Variants in RAD51B observed in about 807,000 individuals in gnomAD.
RAD51B encodes RAD51 paralog B, also known as DNA repair protein RAD51 homolog 2.
RAD51B carries 38 observed loss-of-function variants against 42.2 expected under a neutral mutation model. The observed-to-expected ratio is 0.90, with a 90% CI of 0.70 to 1.18. The LOEUF (loss-of-function observed/expected upper bound fraction) is 1.18, where lower values mean the gene tolerates loss of function less well. RAD51B is among the 50% of genes most tolerant of loss of function. The probability of loss-of-function intolerance (pLI) is 0.00; values close to 1 mark genes in which losing one functional copy is unlikely to be tolerated. For synonymous variants in RAD51B, 154 were observed against 145.2 expected (o/e 1.06, Z -0.43); for missense variants, 373 against 400.7 (o/e 0.93, Z 0.59).
At chr14:68,355,343 C>T (rs2082878583) in intron 8 of RAD51B, among the ~76,000 whole-genome samples, 1 of 152,150 alleles carries the variant, frequency 6.6e-6, no homozygotes, top group Admixed American at 6.5e-5. Flanking sequence ...ACCTGGAATG[C>T]AAAAAGATTT....
chr14:67,862,958 T>G (rs2042210482), intron 4 of RAD51B, among the ~76,000 whole-genome samples: 1 of 152,104 alleles, frequency 6.6e-6, no homozygotes, highest in Admixed American at 6.6e-5. Flanking sequence ...ATTGGAGGGC[T>G]GTACTAAATT....
intron 7 of RAD51B, among the ~76,000 whole-genome samples, chr14:68,201,556 G>C (rs2140925848): frequency 6.6e-6 from 1 of 152,322 alleles, no homozygotes; most frequent in South Asian, 2.1e-4. Context: ...ATAGGCTGTA[G>C]AACTATGTCC....
intron 7 of RAD51B, among the ~76,000 whole-genome samples, chr14:68,154,763 T>A (rs911755964): frequency 6.6e-6 from 1 of 152,192 alleles, no homozygotes; most frequent in African/African-American, 2.4e-5. Flanking sequence ...TCTGTTTGTT[T>A]TGTTTCTTGA....
At chr14:68,303,457 T>TAAA (rs58955054) in intron 8 of RAD51B, among the ~76,000 whole-genome samples, 6 of 138,732 alleles carry the variant, frequency 4.3e-5, no homozygotes, top group South Asian at 2.2e-4. Context: ...TAAAGTATAA[T>TAAA]AAAAAAAAAA....
intron 7 of RAD51B, among the ~76,000 whole-genome samples, chr14:67,891,875 C>T (rs1224423980): frequency 2.6e-5 from 4 of 152,016 alleles, no homozygotes; most frequent in Non-Finnish European, 4.4e-5. Context: ...TACCCAAATT[C>T]GACATTTATT....
chr14:67,981,190 G>T (rs2075085929), intron 7 of RAD51B, among the ~76,000 whole-genome samples: 1 of 152,056 alleles, frequency 6.6e-6, no homozygotes, highest in Non-Finnish European at 1.5e-5. Context: ...TTAATTGTTA[G>T]GGAAATGAAA....
chr14:68,283,292 G>C (rs1270641676), intron 7 of RAD51B, among the ~76,000 whole-genome samples: 1 of 152,202 alleles, frequency 6.6e-6, no homozygotes, highest in Non-Finnish European at 1.5e-5. Flanking sequence ...ATGGGACTCA[G>C]TGGGCAGTGA....
At chr14:67,975,599 T>C (rs1198912474) in intron 7 of RAD51B, among the ~76,000 whole-genome samples, 3 of 152,222 alleles carry the variant, frequency 2.0e-5, no homozygotes, top group Non-Finnish European at 2.9e-5. Flanking sequence ...AGAGACTCCA[T>C]TGCAGCCACG....
chr14:68,451,484 C>T (rs576886666), intron 9 of RAD51B, among the ~76,000 whole-genome samples: 8 of 152,312 alleles, frequency 5.3e-5, no homozygotes, highest in African/African-American at 1.9e-4. Flanking sequence ...GTATAAAGTT[C>T]TAGCTCTCCT....
At chr14:68,423,941 GTTC>G (rs2084772972) in intron 9 of RAD51B, among the ~76,000 whole-genome samples, 1 of 152,172 alleles carries the variant, frequency 6.6e-6, no homozygotes, top group Admixed American at 6.5e-5. Flanking sequence ...GGAAGTTCTG[GTTC>G]TTCTTCTCTG....
At chr14:67,982,093 T>C (rs1158828876) in intron 7 of RAD51B, among the ~76,000 whole-genome samples, 1 of 152,086 alleles carries the variant, frequency 6.6e-6, no homozygotes, top group East Asian at 1.9e-4. Flanking sequence ...CACACCACCA[T>C]GCCTGGCTGT....
chr14:68,056,109 A>G lies in RAD51B; in HGVS notation c.756+168905A>G, dbSNP rs189958304. ...TACTAGAAACTAGAGCTTACTTACTATATTTACTTACTAGTCCTAGAGCTC... is the reference window on the plus strand; with the variant it reads ...TACTAGAAACTAGAGCTTACTTACTGTATTTACTTACTAGTCCTAGAGCTC... On this transcript the variant is annotated intron_variant, in intron 7 of 10. Transcript: ENST00000471583. 9.1e-4 allele frequency among the ~76,000 whole-genome samples: 139 copies of G among 152,222 alleles called. 1 individual carries two copies. Among genetic ancestry groups the G allele is most frequent in the African/African-American group, 3.3e-3 (137 of 41,540 alleles).
chr14:68,188,355 C>A (rs980521360), intron 7 of RAD51B, among the ~76,000 whole-genome samples: 1 of 150,420 alleles, frequency 6.6e-6, no homozygotes, highest in African/African-American at 2.5e-5. Context: ...CCTCCTCCCC[C>A]CTCCTCCTTT....
chr14:68,163,570 T>C (rs2078689561), intron 7 of RAD51B, among the ~76,000 whole-genome samples: 1 of 152,232 alleles, frequency 6.6e-6, no homozygotes, highest in African/African-American at 2.4e-5. Flanking sequence ...TATTTTTCTT[T>C]GGCCTCTCTT....
intron 10 of RAD51B, among the ~76,000 whole-genome samples, chr14:68,555,412 TG>T (rs1359090409): frequency 6.6e-5 from 10 of 152,176 alleles, no homozygotes; most frequent in African/African-American, 2.4e-4. Flanking sequence ...AGAGTGTCCC[TG>T]TCTGTCTAAC....
chr14:68,645,922 A>AT (rs141427863), intron 10 of RAD51B, among the ~76,000 whole-genome samples: 33,588 of 152,124 alleles, frequency 0.22, 3,984 homozygotes, highest in Middle Eastern at 0.26. Flanking sequence ...GCTAGATAAA[A>AT]TACAGGATGT....
chr14:68,549,375 C>G (rs1158654685), intron 10 of RAD51B, among the ~76,000 whole-genome samples: 1 of 146,170 alleles, frequency 6.8e-6, no homozygotes, highest in Non-Finnish European at 1.5e-5. Context: ...AGAATGTTAG[C>G]TCTTATCTAG....
intron 7 of RAD51B, among the ~76,000 whole-genome samples, chr14:68,052,844 C>T (rs1176243212): frequency 6.6e-6 from 1 of 151,260 alleles, no homozygotes; most frequent in African/African-American, 2.4e-5. Flanking sequence ...CGTTGGCCAG[C>T]CTGGTCTTAA....
At chr14:68,277,287 G>C (rs1263806202) in intron 7 of RAD51B, among the ~76,000 whole-genome samples, 2 of 152,154 alleles carry the variant, frequency 1.3e-5, no homozygotes, top group Admixed American at 1.3e-4. Flanking sequence ...AACCTGTGTA[G>C]AGAAAAAGGA....
Sources: allele counts gnomAD v4.1 joint callset (sites outside exome capture counted in the v4.1 genomes callset), GRCh38; gene constraint gnomAD v4.1.1; transcripts MANE v1.5; gene names NCBI Gene and HGNC (gene_info 2026-07-23, HGNC 2026-07-21).